The following CTNNA3 variants were observed in gnomAD, a reference collection of about 807,000 sequenced individuals.
CTNNA3 encodes the protein catenin alpha 3, also known as catenin alpha-3.
In CTNNA3, 76 loss-of-function variants were observed where a neutral mutation model predicts 95.7. The observed-to-expected ratio is 0.79, with a 90% CI of 0.66 to 0.96. The LOEUF is 0.96. CTNNA3 is among the 40% of genes least tolerant of loss of function. The pLI is 0.00. For synonymous variants in CTNNA3, 431 were observed against 374.4 expected (o/e 1.15, Z -1.74); for missense variants, 1,191 against 1,089.8 (o/e 1.09, Z -1.31).
chr10:66,646,430 T>C (rs1845709475), intron 9 of CTNNA3, among the ~76,000 whole-genome samples: 1 of 152,096 alleles, frequency 6.6e-6, no homozygotes, highest in Non-Finnish European at 1.5e-5. Flanking sequence ...GAAGTGTCAA[T>C]TTTATTATAA....
chr10:67,728,248 G>T (rs1841255311), intron 1 of CTNNA3, among the ~76,000 whole-genome samples: 1 of 148,838 alleles, frequency 6.7e-6, no homozygotes, highest in Non-Finnish European at 1.5e-5. Flanking sequence ...GATGTCAGGA[G>T]TTCAAGACCA....
intron 10 of CTNNA3, among the ~76,000 whole-genome samples, chr10:66,604,923 C>T (rs1388929270): frequency 6.6e-6 from 1 of 152,022 alleles, no homozygotes; most frequent in Non-Finnish European, 1.5e-5. Context: ...AAAATGACCA[C>T]ATCACCTCTC....
At chr10:67,644,530 T>C (rs1043366250) in intron 2 of CTNNA3, among the ~76,000 whole-genome samples, 1 of 152,072 alleles carries the variant, frequency 6.6e-6, no homozygotes, top group Non-Finnish European at 1.5e-5. Context: ...AATGAGATAT[T>C]TTATTTGTGT....
At chr10:67,406,221 C>A (rs1249887715) in intron 5 of CTNNA3, among the ~76,000 whole-genome samples, 1 of 152,178 alleles carries the variant, frequency 6.6e-6, no homozygotes, top group Non-Finnish European at 1.5e-5. Context: ...TCAATTAAAC[C>A]TCTTTTCTCT....
At chr10:66,685,570 C>T (rs910977125) in intron 9 of CTNNA3, among the ~76,000 whole-genome samples, 3 of 150,218 alleles carry the variant, frequency 2.0e-5, no homozygotes, top group African/African-American at 4.9e-5. Flanking sequence ...GACAGGGTTT[C>T]ACCATGTTAG....
intron 10 of CTNNA3, among the ~76,000 whole-genome samples, chr10:66,596,800 A>C (rs1192242760): frequency 1.3e-5 from 2 of 152,130 alleles, no homozygotes; most frequent in African/African-American, 4.8e-5. Context: ...AACACCACCA[A>C]AGGAACAAAA....
chr10:66,325,709 C>CTCGGCTCT (rs771411261), intron 12 of CTNNA3, among the ~76,000 whole-genome samples: 9,183 of 152,022 alleles, frequency 0.06, 437 homozygotes, highest in East Asian at 0.11. Flanking sequence ...GCTGTTTAGC[C>CTCGGCTCT]ACAAGAACTA....
At chr10:66,103,300 C>T (rs371463772) in intron 13 of CTNNA3, 51 bp from the exon 14 acceptor site, 528 of 1,445,030 alleles carry the variant, frequency 3.7e-4, no homozygotes, top group Non-Finnish European at 4.8e-4. Context: ...AGCATTTCTT[C>T]TTTGGAAAAC....
intron 7 of CTNNA3, among the ~76,000 whole-genome samples, chr10:66,809,867 T>C (rs1841806436): frequency 6.6e-6 from 1 of 150,820 alleles, no homozygotes; most frequent in Admixed American, 6.6e-5. Flanking sequence ...TACAATGGCA[T>C]GATCTCAGCT....
chr10:67,396,660 A>C (rs748590049), intron 5 of CTNNA3, among the ~76,000 whole-genome samples: 12 of 152,236 alleles, frequency 7.9e-5, no homozygotes, highest in Non-Finnish European at 1.6e-4. Flanking sequence ...TTGTTAAAAC[A>C]ATCATAAAAA....
chr10:66,902,849 A>C (rs1845813821), intron 7 of CTNNA3, among the ~76,000 whole-genome samples: 1 of 152,208 alleles, frequency 6.6e-6, no homozygotes. Context: ...ATCTCTGAAT[A>C]GACCAATAAG....
At chr10:66,957,429 CAT>C (rs765398428) in intron 7 of CTNNA3, among the ~76,000 whole-genome samples, 788 of 27,242 alleles carry the variant, frequency 0.029, 36 homozygotes, top group Middle Eastern at 0.081. Flanking sequence ...TATATATATG[CAT>C]ATATATATAT....
At chr10:66,494,773 G>A (rs1457616848) in intron 11 of CTNNA3, among the ~76,000 whole-genome samples, 1 of 152,150 alleles carries the variant, frequency 6.6e-6, no homozygotes, top group African/African-American at 2.4e-5. Flanking sequence ...CCGTTGGGAG[G>A]ATTCTATGCC....
intron 7 of CTNNA3, among the ~76,000 whole-genome samples, chr10:67,057,644 T>C (rs1166545989): frequency 6.6e-6 from 1 of 152,082 alleles, no homozygotes; most frequent in East Asian, 1.9e-4. Flanking sequence ...ACGAGGTTGG[T>C]TTACTTCAAG....
At chr10:66,256,369 C>A (rs2132085471) in intron 13 of CTNNA3, among the ~76,000 whole-genome samples, 1 of 152,288 alleles carries the variant, frequency 6.6e-6, no homozygotes, top group South Asian at 2.1e-4. Flanking sequence ...AACTCCTTTT[C>A]CTACTTTATT....
At chr10:67,622,371 A>G (rs576215910) in intron 2 of CTNNA3, among the ~76,000 whole-genome samples, 1 of 152,344 alleles carries the variant, frequency 6.6e-6, no homozygotes, top group African/African-American at 2.4e-5. Context: ...GAATTCATTG[A>G]GGAAAAGATG....
rs532407502 is a variant in CTNNA3 at position 67,389,573 on chromosome 10, C to T, written c.579+132269G>A. Among the ~76,000 whole-genome samples, 442 of 151,476 alleles carry T rather than the reference C, an allele frequency of 2.9e-3. 2 individuals carry two copies. Among genetic ancestry groups the T allele is most frequent in the Non-Finnish European group, 5.3e-3 (361 of 67,846 alleles). On this transcript the variant is annotated intron_variant, in intron 5 of 17. Transcript: ENST00000433211. ...ACCAAGCGGACCTAATAGACATCTA[C>T]AGAACTCTCCACCCCAAATCAACAG... is the stretch of plus-strand genomic sequence containing the variant.
At chr10:66,790,253 A>G (rs1840917187) in intron 7 of CTNNA3, among the ~76,000 whole-genome samples, 1 of 152,184 alleles carries the variant, frequency 6.6e-6, no homozygotes, top group Non-Finnish European at 1.5e-5. Flanking sequence ...GTTCAAGACC[A>G]GCCTGGTCAA....
chr10:66,039,557 C>A (rs1564596393), intron 15 of CTNNA3, among the ~76,000 whole-genome samples: 1 of 152,022 alleles, frequency 6.6e-6, no homozygotes, highest in Non-Finnish European at 1.5e-5. Context: ...AATAGAGAGT[C>A]CAGAAATAAG....
Sources: allele counts gnomAD v4.1 joint callset (sites outside exome capture counted in the v4.1 genomes callset), GRCh38; gene constraint gnomAD v4.1.1; transcripts MANE v1.5; gene names NCBI Gene and HGNC (gene_info 2026-07-23, HGNC 2026-07-21).